Variants in CRHR1 observed in about 807,000 individuals in gnomAD.
CRHR1 encodes corticotropin-releasing hormone receptor 1.
A neutral mutation model predicts 56.0 loss-of-function variants in CRHR1; 28 were observed. The ratio of observed to expected loss-of-function variants is 0.50; its 90% CI spans 0.37 to 0.69. The LOEUF is 0.69. Ranked by LOEUF, CRHR1 falls within the 30% of genes least tolerant of loss-of-function variation. The probability of loss-of-function intolerance (pLI) is 0.00; values close to 1 mark genes in which losing one functional copy is unlikely to be tolerated. For missense variants in CRHR1, 376 were observed against 548.0 expected, an observed-to-expected ratio of 0.69 and a Z score of 3.13; for synonymous variants, 195 against 216.5, an observed-to-expected ratio of 0.90 and a Z score of 0.87.
intron 4 of CRHR1, chr17:45,827,582 G>C (rs62057156): frequency 0.14 from 21,837 of 152,290 alleles, 2,142 homozygotes; most frequent in Middle Eastern, 0.22. Context: ...CTCTGTCTCT[G>C]TCTCTCCTGC....
rs1487972942 is a variant in CRHR1, at chr17:45,821,403, T to C, written c.290T>C (p.Val97Ala). Residue 97 changes from valine to alanine, a missense_variant, in exon 4 of 13, where the codon GTG becomes GCG. Val to Ala is a moderately conservative substitution (Grantham distance 64). Around this residue, in one of 2 missense-constraint regions of CRHR1, gnomAD observed 369 missense variants for 519.5 expected, o/e 0.71. Coordinates refer to ENST00000314537, the MANE Select transcript of CRHR1 (RefSeq NM_004382.5). ...CLANGSWAAR[V>A]NYSECQEILN... ...GCCAATGGCAGCTGGGCCGCCCGCG[T>C]GAATTACTCCGAGTGCCAGGAGATC... 1 of 1,613,328 alleles carries C rather than the reference T, an allele frequency of 6.2e-7. No homozygotes were observed. The highest frequency in any genetic ancestry group is 1.1e-5 in the South Asian group (1 of 91,086).
intron 3 of CRHR1, among the ~76,000 whole-genome samples, chr17:45,818,852 C>T (rs961331141): frequency 1.3e-5 from 2 of 152,196 alleles, no homozygotes; most frequent in African/African-American, 4.8e-5. Flanking sequence ...GAAGCATTTC[C>T]AAAAATATCT....
chr17:45,809,721 G>A (rs990155429), intron 2 of CRHR1, among the ~76,000 whole-genome samples: 4 of 152,264 alleles, frequency 2.6e-5, no homozygotes, highest in South Asian at 2.1e-4. Context: ...GCGTCTGGCC[G>A]GGGCGGCTGG....
chr17:45,833,629 C>G (rs971431404), intron 10 of CRHR1, 85 bp from the exon 11 acceptor site: 2 of 1,596,372 alleles, frequency 1.3e-6, no homozygotes, highest in Non-Finnish European at 1.7e-6. Context: ...CTCCCTCCCC[C>G]GACCTGGCCC....
chr17:45,797,558 A>G lies in CRHR1; in HGVS notation c.34-9452A>G, dbSNP rs1021337641. On this transcript the variant is annotated intron_variant, in intron 1 of 12. Coordinates refer to ENST00000314537, the MANE Select transcript of CRHR1 (RefSeq NM_004382.5). ...CTCCCAAAGTGCTGGGATTACAGGCATGAGCCACCACGCCCGGCCCCATGC... is the reference window on the plus strand; with the variant it reads ...CTCCCAAAGTGCTGGGATTACAGGCGTGAGCCACCACGCCCGGCCCCATGC... Among the ~76,000 whole-genome samples, 5 of 151,910 alleles carry G rather than the reference A, an allele frequency of 3.3e-5. No homozygotes were observed. The South Asian group carries it at 8.3e-4, about 25-fold the overall frequency.
chr17:45,806,879 G>A (rs1013270568), intron 1 of CRHR1, 131 bp from the exon 2 acceptor site: 8 of 698,656 alleles, frequency 1.1e-5, no homozygotes, highest in Non-Finnish European at 1.7e-5. Flanking sequence ...GGAAGCGACT[G>A]GATGTGTGAC....
At chr17:45,815,951 C>T (rs368477851) in intron 2 of CRHR1, among the ~76,000 whole-genome samples, 3 of 152,318 alleles carry the variant, frequency 2.0e-5, no homozygotes, top group Non-Finnish European at 4.4e-5. Flanking sequence ...ACAGGCCAGC[C>T]GGAAGGAGGG....
In CRHR1 at chr17:45,829,509, C is replaced by G. The variant is rs1250312017; in HGVS notation, c.434+188C>G. Reference sequence around the variant, plus strand: ...AGCCGCTCTGCCCTCTCCCCAGTAGCTGCTGGAATGGTGGGGAGGGACAAA... The same window carrying G: ...AGCCGCTCTGCCCTCTCCCCAGTAGGTGCTGGAATGGTGGGGAGGGACAAA... On this transcript the variant is annotated intron_variant, in intron 5 of 12. Coordinates refer to ENST00000314537, the MANE Select transcript of CRHR1 (RefSeq NM_004382.5). The G allele has an allele frequency of 2.0e-6, 3 of 1,503,502 alleles. No homozygotes were observed. The East Asian group carries it at 7.4e-5, about 37-fold the overall frequency. The allele number at this position is 1,503,502 out of a possible 1,614,324, so 93.1% of individuals were successfully genotyped here. A position where few individuals can be genotyped will look rare whatever the true frequency, so the allele number is the denominator to read the frequency against.
At chr17:45,822,849 T>TAAA (rs56284150) in intron 4 of CRHR1, among the ~76,000 whole-genome samples, 10 of 131,276 alleles carry the variant, frequency 7.6e-5, no homozygotes, top group Middle Eastern at 4.5e-3. Context: ...GAAATTCCAT[T>TAAA]AAAAAAAAAA....
intron 10 of CRHR1, 21 bp from the exon 11 acceptor site, chr17:45,833,693 T>TGGGGGGGCCG: frequency 1.3e-6 from 2 of 1,571,614 alleles, no homozygotes; most frequent in Non-Finnish European, 1.7e-6. Context: ...ACTCCGAGCC[T>TGGGGGGGCCG]CCCCACCCGC....
At chr17:45,810,352 A>G (rs951972202) in intron 2 of CRHR1, among the ~76,000 whole-genome samples, 2 of 152,178 alleles carry the variant, frequency 1.3e-5, no homozygotes, top group Non-Finnish European at 2.9e-5. Context: ...CGCCATTCCA[A>G]GTGCTTTAAT....
chr17:45,830,876 C>A lies in CRHR1; in HGVS notation c.710-4C>A, dbSNP rs374867419. The A allele has an allele frequency of 6.2e-5, 100 of 1,613,680 alleles. No homozygotes were observed. Among genetic ancestry groups the A allele is most frequent in the Non-Finnish European group, 2.3e-5 (27 of 1,179,828 alleles). ...GGCTCTGTGACAGCCCATCTCTCCC[C>A]CAGGTGTGCCCTTCCCCATCATTGT... is the stretch of plus-strand genomic sequence containing the variant. On this transcript the variant is annotated splice_polypyrimidine_tract_variant and splice_region_variant and intron_variant, in intron 7 of 12. Transcript: ENST00000314537.
At chr17:45,787,196 AGT>A (rs1279087510) in intron 1 of CRHR1, among the ~76,000 whole-genome samples, 1 of 152,034 alleles carries the variant, frequency 6.6e-6, no homozygotes, top group Non-Finnish European at 1.5e-5. Flanking sequence ...GGTGTGTGAA[AGT>A]GTGTGTGTGA....
chr17:45,829,357 A>G (rs2143220025), intron 5 of CRHR1, 36 bp downstream of exon 5: 1 of 1,572,060 alleles, frequency 6.4e-7, no homozygotes, highest in Non-Finnish European at 8.7e-7. Context: ...TCCTGTCCCC[A>G]GGACCTAGAG....
intron 3 of CRHR1, among the ~76,000 whole-genome samples, chr17:45,818,027 T>A (rs558944416): frequency 6.6e-6 from 1 of 152,190 alleles, no homozygotes; most frequent in South Asian, 2.1e-4. Flanking sequence ...GGGGGCTGAG[T>A]CCTTCTGGAG....
chr17:45,829,439 G>C (rs1379187744), intron 5 of CRHR1, 118 bp downstream of exon 5: 1 of 1,326,662 alleles, frequency 7.5e-7, no homozygotes, highest in Non-Finnish European at 1.1e-6. Context: ...GGGTGGCAGG[G>C]GCTGGCTTAT....
At chr17:45,831,039 T>C in intron 8 of CRHR1, 99 bp downstream of exon 8, 1 of 1,150,190 alleles carries the variant, frequency 8.7e-7, no homozygotes, top group Admixed American at 1.8e-5. Context: ...CTTTTTCCCC[T>C]CAGGACCATG....
At chr17:45,827,488 C>A (rs1186685462) in intron 4 of CRHR1, among the ~76,000 whole-genome samples, 2 of 152,222 alleles carry the variant, frequency 1.3e-5, no homozygotes, top group African/African-American at 4.8e-5. Context: ...TCTTCCAGAG[C>A]CTCCGGATTG....
Position 45,835,014 on chromosome 17 carries a change from G to T in CRHR1, c.*250G>T. On this transcript the variant is annotated 3_prime_UTR_variant, in exon 13 of 13. Transcript: ENST00000314537. Reference sequence around the variant, plus strand: ...CTGGCTTCCCTGCCCAATCCTCCCTGGAGAAGGGACATGGGAATGAATTGA... The same window carrying T: ...CTGGCTTCCCTGCCCAATCCTCCCTTGAGAAGGGACATGGGAATGAATTGA... 9 of 553,914 alleles carry T rather than the reference G, an allele frequency of 1.6e-5. No individual in the cohort carries two copies. The highest frequency in any genetic ancestry group is 3.2e-6 in the Non-Finnish European group (1 of 311,922). 34.3% of individuals were successfully genotyped at this position (553,914 alleles called of 1,614,324 possible). A position where few individuals can be genotyped will look rare whatever the true frequency, so the allele number is the denominator to read the frequency against.
Sources: allele counts gnomAD v4.1 joint callset (sites outside exome capture counted in the v4.1 genomes callset), GRCh38; gene constraint gnomAD v4.1.1; regional missense constraint gnomAD v4.1.1; transcripts MANE v1.5; gene names NCBI Gene and HGNC (gene_info 2026-07-23, HGNC 2026-07-21).